SSH2: variants seen among roughly 807,000 people sequenced by gnomAD.
SSH2 encodes protein phosphatase Slingshot homolog 2.
A neutral mutation model predicts 135.2 loss-of-function variants in SSH2; 37 were observed. The ratio of observed to expected loss-of-function variants is 0.27; its 90% CI spans 0.21 to 0.36. SSH2 has a LOEUF of 0.36. Ranked by LOEUF, SSH2 falls within the 10% of genes least tolerant of loss-of-function variation. The pLI is 1.00. For synonymous variants in SSH2, 628 were observed against 646.2 expected, an observed-to-expected ratio of 0.97 and a Z score of 0.43; for missense variants, 1,408 against 1,765.3, an observed-to-expected ratio of 0.80 and a Z score of 3.63.
At chr17:29,888,391 T>C (rs2066280270) in intron 1 of SSH2, among the ~76,000 whole-genome samples, 1 of 152,084 alleles carries the variant, frequency 6.6e-6, no homozygotes, top group Non-Finnish European at 1.5e-5. Flanking sequence ...GGAAAGAGAT[T>C]TGGAGAGAAT....
At chr17:29,786,972 C>A (rs934606174) in intron 3 of SSH2, among the ~76,000 whole-genome samples, 3 of 152,140 alleles carry the variant, frequency 2.0e-5, no homozygotes, top group African/African-American at 7.2e-5. Context: ...TACATTGTTT[C>A]TTAATTGTGG....
chr17:29,814,432 CAAAAAAAAA>C (rs1179862061), intron 2 of SSH2, among the ~76,000 whole-genome samples: 6 of 39,088 alleles, frequency 1.5e-4, no homozygotes, highest in Non-Finnish European at 2.2e-4. Context: ...GACTCTGTCT[CAAAAAAAAA>C]AAAAAAAAAA....
intron 3 of SSH2, among the ~76,000 whole-genome samples, chr17:29,790,370 C>T (rs762183591): frequency 3.5e-4 from 53 of 152,204 alleles, no homozygotes; most frequent in Middle Eastern, 6.8e-3. Context: ...TCTGCAAGCC[C>T]GGAAGAACAC....
At chr17:29,683,124 C>T (rs368241156) in intron 6 of SSH2, among the ~76,000 whole-genome samples, 26 of 152,206 alleles carry the variant, frequency 1.7e-4, no homozygotes, top group African/African-American at 6.3e-4. Context: ...CTAAATTTCC[C>T]TAGGCCTGGG....
intron 2 of SSH2, among the ~76,000 whole-genome samples, chr17:29,843,175 T>C (rs1338674157): frequency 6.6e-6 from 1 of 152,222 alleles, no homozygotes; most frequent in Non-Finnish European, 1.5e-5. Context: ...TTGTTGTATC[T>C]GGATGTTCAT....
chr17:29,731,188 T>C (rs890476085), intron 3 of SSH2, among the ~76,000 whole-genome samples: 2 of 152,310 alleles, frequency 1.3e-5, no homozygotes, highest in South Asian at 2.1e-4. Flanking sequence ...AAACATGGAA[T>C]AGACAGGTGA....
intron 3 of SSH2, among the ~76,000 whole-genome samples, chr17:29,715,251 CTTT>C (rs869218944): frequency 8.0e-6 from 1 of 125,192 alleles, no homozygotes; most frequent in African/African-American, 4.5e-5. Context: ...TTCTTTCTTT[CTTT>C]TTTTTTTTTG....
chr17:29,706,372 A>C (rs987695474), intron 3 of SSH2, among the ~76,000 whole-genome samples: 1 of 152,222 alleles, frequency 6.6e-6, no homozygotes, highest in Admixed American at 6.5e-5. Context: ...CACAGATGTC[A>C]CTTTAAAAAT....
chr17:29,663,621 G>A (rs1294641747), intron 11 of SSH2, among the ~76,000 whole-genome samples: 1 of 152,016 alleles, frequency 6.6e-6, no homozygotes, highest in Non-Finnish European at 1.5e-5. Flanking sequence ...CTAGAATACA[G>A]AATTATACCT....
intron 1 of SSH2, among the ~76,000 whole-genome samples, chr17:29,920,537 T>C (rs983189179): frequency 1.3e-5 from 2 of 152,178 alleles, no homozygotes; most frequent in Admixed American, 1.3e-4. Context: ...TATTTGGGAA[T>C]TTAGTACTTC....
intron 3 of SSH2, among the ~76,000 whole-genome samples, chr17:29,784,290 C>T (rs1353781907): frequency 1.3e-5 from 2 of 151,336 alleles, no homozygotes; most frequent in East Asian, 3.9e-4. Context: ...GAGGCTGAGG[C>T]AGGAGAATCA....
chr17:29,886,098 C>T (rs1005259789), intron 1 of SSH2, among the ~76,000 whole-genome samples: 27 of 152,070 alleles, frequency 1.8e-4, no homozygotes, highest in African/African-American at 6.0e-4. Flanking sequence ...TTCGAGGACC[C>T]GGAAGAAGAC....
chr17:29,869,158 C>T (rs916368827), intron 1 of SSH2, among the ~76,000 whole-genome samples: 1 of 152,160 alleles, frequency 6.6e-6, no homozygotes, highest in Admixed American at 6.5e-5. Flanking sequence ...ATTGCTTCAA[C>T]GGACAGAGAT....
chr17:29,783,327 T>G (rs1335782465), intron 3 of SSH2, among the ~76,000 whole-genome samples: 1 of 146,626 alleles, frequency 6.8e-6, no homozygotes, highest in African/African-American at 2.5e-5. Flanking sequence ...ATTATATATA[T>G]ATATATATAT....
At chr17:29,799,288 A>G (rs552875711) in intron 2 of SSH2, among the ~76,000 whole-genome samples, 1 of 152,340 alleles carries the variant, frequency 6.6e-6, no homozygotes, top group Non-Finnish European at 1.5e-5. Context: ...TCAACAGTAT[A>G]TATACCTATG....
At chr17:29,751,813 A>G (rs529674788) in intron 3 of SSH2, among the ~76,000 whole-genome samples, 1 of 152,208 alleles carries the variant, frequency 6.6e-6, no homozygotes, top group Non-Finnish European at 1.5e-5. Context: ...AAATCAAGTA[A>G]AAACATATAC....
At chr17:29,915,028 T>C (rs544864139) in intron 1 of SSH2, among the ~76,000 whole-genome samples, 5 of 152,182 alleles carry the variant, frequency 3.3e-5, no homozygotes, top group African/African-American at 1.2e-4. Flanking sequence ...GGAATCAGCA[T>C]AAAAATGCTC....
At chr17:29,849,217 C>T (rs564304335) in intron 1 of SSH2, among the ~76,000 whole-genome samples, 11 of 151,770 alleles carry the variant, frequency 7.2e-5, no homozygotes, top group East Asian at 1.9e-4. Context: ...CAGTGGCTCA[C>T]GCCTGTAATC....
intron 11 of SSH2, among the ~76,000 whole-genome samples, chr17:29,665,246 A>G (rs2037222113): frequency 6.6e-6 from 1 of 152,262 alleles, no homozygotes; most frequent in Non-Finnish European, 1.5e-5. Context: ...GGAAAAGCCA[A>G]TGACAGTTTT....
Sources: gnomAD v4.1 joint callset for allele counts (sites outside exome capture counted in the v4.1 genomes callset) on GRCh38, gnomAD v4.1.1 for gene constraint, MANE v1.5 for transcripts, NCBI Gene and HGNC (gene_info 2026-07-23, HGNC 2026-07-21) for gene names.